GRIK2: variants seen among roughly 807,000 people sequenced by gnomAD.
GRIK2 encodes the protein glutamate receptor ionotropic, kainate 2.
GRIK2 carries 32 observed loss-of-function variants against 100.3 expected under a neutral mutation model. The observed-to-expected ratio is 0.32, with a 90% confidence interval of 0.24 to 0.43. The LOEUF (loss-of-function observed/expected upper bound fraction) is 0.43, where lower values mean the gene tolerates loss of function less well. Among genes scored for constraint, GRIK2 ranks in the 20% least tolerant of loss-of-function variants. The probability of loss-of-function intolerance (pLI) is 1.00; values close to 1 mark genes in which losing one functional copy is unlikely to be tolerated. For missense variants in GRIK2, 843 were observed against 1,114.9 expected (o/e 0.76, Z 3.47); for synonymous variants, 417 against 389.4 (o/e 1.07, Z -0.83).
chr6:101,883,109 G>A (rs1786371567), intron 11 of GRIK2, among the ~76,000 whole-genome samples: 1 of 151,800 alleles, frequency 6.6e-6, no homozygotes, highest in Admixed American at 6.6e-5. Context: ...AACAGAAACA[G>A]TGGGCTGAAG....
At chr6:101,472,110 G>A (rs1771976340) in intron 2 of GRIK2, among the ~76,000 whole-genome samples, 1 of 151,856 alleles carries the variant, frequency 6.6e-6, no homozygotes, top group Non-Finnish European at 1.5e-5. Flanking sequence ...ATTTGCCATA[G>A]AGCAATAATT....
intron 14 of GRIK2, among the ~76,000 whole-genome samples, chr6:102,015,703 C>T (rs778191364): frequency 1.2e-4 from 18 of 152,312 alleles, no homozygotes; most frequent in African/African-American, 3.6e-4. Context: ...GTATGGATCC[C>T]ACTGCCACTG....
At chr6:101,501,058 T>C (rs1773723197) in intron 2 of GRIK2, among the ~76,000 whole-genome samples, 2 of 152,238 alleles carry the variant, frequency 1.3e-5, no homozygotes, top group East Asian at 1.9e-4. Context: ...TGAATTACTT[T>C]TGAATATTAA....
intron 11 of GRIK2, among the ~76,000 whole-genome samples, chr6:101,863,462 CT>C (rs1467943697): frequency 1.3e-5 from 2 of 152,132 alleles, no homozygotes; most frequent in Non-Finnish European, 2.9e-5. Context: ...TCTGAAAAGC[CT>C]ACTTTCTTCG....
chr6:101,887,880 G>A (rs1786766486), intron 11 of GRIK2, among the ~76,000 whole-genome samples: 1 of 152,100 alleles, frequency 6.6e-6, no homozygotes, highest in South Asian at 2.1e-4. Flanking sequence ...CCTTCAACAC[G>A]TGCAGATTAA....
At chr6:101,909,384 T>TGTTGTTTTG (rs200506567) in intron 12 of GRIK2, among the ~76,000 whole-genome samples, 1 of 138,528 alleles carries the variant, frequency 7.2e-6, no homozygotes, top group African/African-American at 2.6e-5. Flanking sequence ...TTCTTTTTCT[T>TGTTGTTTTG]TTTTTTTTTT....
chr6:101,939,873 G>T (rs1018356351), intron 14 of GRIK2, among the ~76,000 whole-genome samples: 4 of 152,036 alleles, frequency 2.6e-5, no homozygotes, highest in African/African-American at 7.2e-5. Context: ...ACCCAAGATG[G>T]TTATGACTGA....
chr6:101,494,046 AAT>A (rs1006608042), intron 2 of GRIK2, among the ~76,000 whole-genome samples: 5 of 146,150 alleles, frequency 3.4e-5, no homozygotes, highest in Non-Finnish European at 4.5e-5. Flanking sequence ...TATTATATAA[AAT>A]ATATATGATA....
intron 5 of GRIK2, among the ~76,000 whole-genome samples, chr6:101,678,825 G>A (rs906069093): frequency 2.6e-5 from 4 of 152,276 alleles, no homozygotes; most frequent in East Asian, 3.9e-4. Flanking sequence ...TTACTCTTGT[G>A]CGTTTGTTTG....
At chr6:101,845,216 C>T (rs1783739624) in intron 10 of GRIK2, among the ~76,000 whole-genome samples, 1 of 152,164 alleles carries the variant, frequency 6.6e-6, no homozygotes, top group Admixed American at 6.5e-5. Context: ...TGGGGTCTCG[C>T]TATGTTGCCC....
rs147245594 is a variant in GRIK2, at chr6:102,033,463, C to T, written c.2086-1878C>T. ...AGTCATCATGCTATTCGGAGATAGGCTGTAACAATGTAACTGTTTTTAAAA... is the reference window on the plus strand; with the variant it reads ...AGTCATCATGCTATTCGGAGATAGGTTGTAACAATGTAACTGTTTTTAAAA... On this transcript the variant is annotated intron_variant, in intron 14 of 16. Coordinates refer to ENST00000369134, the MANE Select transcript of GRIK2 (RefSeq NM_021956.5). 1.7e-3 allele frequency among the ~76,000 whole-genome samples: 259 copies of T among 151,360 alleles called. 1 individual carries two copies. Among genetic ancestry groups the T allele is most frequent in the African/African-American group, 5.9e-3 (244 of 41,420 alleles).
At chr6:101,605,483 TTAAA>T (rs1385349469) in intron 2 of GRIK2, among the ~76,000 whole-genome samples, 1 of 151,988 alleles carries the variant, frequency 6.6e-6, no homozygotes, top group Non-Finnish European at 1.5e-5. Flanking sequence ...AAAATAAAGC[TTAAA>T]TAATTATATC....
At chr6:101,429,640 A>G (rs1483464874) in intron 2 of GRIK2, among the ~76,000 whole-genome samples, 1 of 152,152 alleles carries the variant, frequency 6.6e-6, no homozygotes, top group African/African-American at 2.4e-5. Flanking sequence ...GAAGGAAGAA[A>G]AATGTAACAG....
intron 14 of GRIK2, among the ~76,000 whole-genome samples, chr6:102,006,731 AT>A (rs147736796): frequency 0.04 from 6,072 of 151,272 alleles, 417 homozygotes; most frequent in African/African-American, 0.14. Context: ...AAGCCCTGTC[AT>A]TTTTTTTCAT....
At chr6:101,745,942 C>G (rs1227127390) in intron 7 of GRIK2, among the ~76,000 whole-genome samples, 1 of 152,104 alleles carries the variant, frequency 6.6e-6, no homozygotes, top group African/African-American at 2.4e-5. Flanking sequence ...ATTCTCGTCT[C>G]CTAACCACCC....
chr6:101,826,823 A>G (rs147433105), intron 10 of GRIK2, among the ~76,000 whole-genome samples: 1 of 152,078 alleles, frequency 6.6e-6, no homozygotes, highest in Admixed American at 6.6e-5. Flanking sequence ...AGCATGAATG[A>G]TAGTCACTAT....
intron 15 of GRIK2, among the ~76,000 whole-genome samples, chr6:102,046,508 C>T (rs931407423): frequency 6.6e-6 from 1 of 152,052 alleles, no homozygotes; most frequent in Non-Finnish European, 1.5e-5. Context: ...AACCTGCACC[C>T]ACTGCCACCA....
At chr6:102,004,146 T>C (rs1269266265) in intron 14 of GRIK2, among the ~76,000 whole-genome samples, 1 of 151,566 alleles carries the variant, frequency 6.6e-6, no homozygotes, top group Non-Finnish European at 1.5e-5. Context: ...TTTTGAGTTT[T>C]ATTTATTTGA....
chr6:101,861,924 A>G (rs958533946), intron 11 of GRIK2, among the ~76,000 whole-genome samples: 1 of 152,132 alleles, frequency 6.6e-6, no homozygotes, highest in Non-Finnish European at 1.5e-5. Flanking sequence ...AGAAGCTTAT[A>G]TTACTATCTT....
Sources: gnomAD v4.1 joint callset for allele counts (sites outside exome capture counted in the v4.1 genomes callset) on GRCh38, gnomAD v4.1.1 for gene constraint, MANE v1.5 for transcripts, NCBI Gene and HGNC (gene_info 2026-07-23, HGNC 2026-07-21) for gene names.